Variants in ERMP1 observed in about 807,000 individuals in gnomAD.
ERMP1 encodes Felix-ina.
ERMP1 carries 86 observed loss-of-function variants against 92.0 expected under a neutral mutation model. That is an observed-to-expected ratio of 0.93 (90% CI 0.79 to 1.12). The LOEUF (loss-of-function observed/expected upper bound fraction) is 1.12, where lower values mean the gene tolerates loss of function less well. Ranked by LOEUF, ERMP1 falls within the 50% of genes most tolerant of loss-of-function variation. The pLI is 0.00. For missense variants in ERMP1, 1,342 were observed against 1,116.3 expected (o/e 1.20, Z -2.88); for synonymous variants, 530 against 412.8 (o/e 1.28, Z -3.44).
At position 5,833,085 on chromosome 9, in the gene ERMP1, G is replaced by T; in HGVS notation, c.-58C>A. ...CCAACCCGCGACAGCCCCGGCCGCC[G>T]CCGACGCCGCCGTCGCTGCCGCAGC... On this transcript the variant is annotated 5_prime_UTR_variant, in exon 1 of 15. Coordinates refer to ENST00000339450, the MANE Select transcript of ERMP1 (RefSeq NM_024896.3). 1 of 1,353,292 alleles carries T rather than the reference G, an allele frequency of 7.4e-7. No individual in the cohort carries two copies. 83.8% of individuals were successfully genotyped at this position (1,353,292 alleles called of 1,614,324 possible).
chr9:5,836,379 A>C (rs1830096039), upstream of ERMP1, among the ~76,000 whole-genome samples: 1 of 152,212 alleles, frequency 6.6e-6, no homozygotes, highest in African/African-American at 2.4e-5. Flanking sequence ...GTGACATTCA[A>C]ATCAGGTGAG....
chr9:5,833,851 C>T (rs186055465), upstream of ERMP1, among the ~76,000 whole-genome samples: 2 of 152,314 alleles, frequency 1.3e-5, no homozygotes, highest in African/African-American at 4.8e-5. Flanking sequence ...CTTCACTTGA[C>T]GACTCTCTGG....
rs763673362 is a variant in ERMP1, at chr9:5,812,241, A to G, written c.1022-24T>C. 5 of 1,403,878 alleles carry G rather than the reference A, an allele frequency of 3.6e-6. No individual in the cohort carries two copies. The East Asian group carries it at 9.4e-5, about 26-fold the overall frequency. The allele number at this position is 1,403,878 out of a possible 1,614,324, so 87.0% of individuals were successfully genotyped here. On this transcript the variant is annotated intron_variant, in intron 5 of 14. Transcript: ENST00000339450. ...TCCTAAAACATATATATAGAAAAAAAAAAGTCATTTTGCTTTAAAGATCAA... is the reference window on the plus strand; with the variant it reads ...TCCTAAAACATATATATAGAAAAAAGAAAGTCATTTTGCTTTAAAGATCAA...
chr9:5,866,150 C>T (rs1338239605), intron 5 of ERMP1, among the ~76,000 whole-genome samples: 3 of 152,196 alleles, frequency 2.0e-5, no homozygotes, highest in Non-Finnish European at 4.4e-5. Context: ...ACATAATACA[C>T]TTCCATTTTG....
chr9:5,819,424 T>C (rs1829447176), intron 4 of ERMP1, among the ~76,000 whole-genome samples: 2 of 152,152 alleles, frequency 1.3e-5, no homozygotes, highest in Admixed American at 6.5e-5. Flanking sequence ...AACCACAACC[T>C]TGCATAAAGG....
intron 1 of ERMP1, among the ~76,000 whole-genome samples, chr9:5,832,117 G>C (rs1456859291): frequency 6.6e-6 from 1 of 151,284 alleles, no homozygotes; most frequent in Non-Finnish European, 1.5e-5. Context: ...ACCTTACACA[G>C]TCACTAATCC....
upstream of ERMP1, among the ~76,000 whole-genome samples, chr9:5,834,069 C>T (rs985668288): frequency 6.6e-6 from 1 of 152,186 alleles, no homozygotes; most frequent in Non-Finnish European, 1.5e-5. Context: ...AGATTTCATA[C>T]AATGCCCTAT....
chr9:5,814,545 C>G (rs980555635), intron 4 of ERMP1, among the ~76,000 whole-genome samples: 1 of 152,096 alleles, frequency 6.6e-6, no homozygotes, highest in African/African-American at 2.4e-5. Context: ...GCATTTAAGA[C>G]CAGCCTGGCC....
chr9:5,796,754 G>C (rs967793824), intron 13 of ERMP1, among the ~76,000 whole-genome samples: 3 of 152,056 alleles, frequency 2.0e-5, no homozygotes, highest in Non-Finnish European at 4.4e-5. Context: ...TGAAGCACAG[G>C]GCATTTCTAG....
rs578042908 is a variant in ERMP1, at chr9:5,786,380, C to T, written c.*764G>A. 6.6e-6 allele frequency: 1 copy of T among 152,302 alleles called. No individual in the cohort carries two copies. The highest frequency in any genetic ancestry group is 1.5e-5 in the Non-Finnish European group (1 of 68,048). 9.4% of individuals were successfully genotyped at this position (152,302 alleles called of 1,614,324 possible). A position where few individuals can be genotyped will look rare whatever the true frequency, so the allele number is the denominator to read the frequency against. ...CTGAACCAAAAGAACCTACGAAAAC[C>T]AGAGGGGTATGTGGCCAAATATTCC... On this transcript the variant is annotated 3_prime_UTR_variant, in exon 15 of 15. Coordinates refer to ENST00000339450, the MANE Select transcript of ERMP1 (RefSeq NM_024896.3).
chr9:5,866,144 A>G (rs1300545919), intron 5 of ERMP1, among the ~76,000 whole-genome samples: 1 of 152,224 alleles, frequency 6.6e-6, no homozygotes, highest in Non-Finnish European at 1.5e-5. Context: ...TATTACACAT[A>G]ATACACTTCC....
intron 6 of ERMP1, among the ~76,000 whole-genome samples, chr9:5,853,058 G>C (rs1392131810): frequency 6.6e-6 from 1 of 152,172 alleles, no homozygotes; most frequent in Non-Finnish European, 1.5e-5. Context: ...TTGGGCTTCT[G>C]GGGGTGAAAA....
intron 13 of ERMP1, among the ~76,000 whole-genome samples, chr9:5,796,510 C>G (rs1828430582): frequency 6.6e-6 from 1 of 152,058 alleles, no homozygotes. Flanking sequence ...ATATGGATAA[C>G]TGCTGTACAT....
At chr9:5,803,812 GATTATCCTTATCCTTAT>G (rs1473117405) in intron 10 of ERMP1, among the ~76,000 whole-genome samples, 2 of 152,146 alleles carry the variant, frequency 1.3e-5, no homozygotes, top group Middle Eastern at 3.4e-3. Flanking sequence ...TACCAATAAG[GATTATCCTTATCCTTAT>G]ATTATCCTTA....
At chr9:5,811,083 A>G in intron 7 of ERMP1, 28 bp downstream of exon 7, 1 of 1,503,486 alleles carries the variant, frequency 6.7e-7, no homozygotes. Context: ...CAATGCCAGT[A>G]TTTGTAGTTT....
At chr9:5,834,951 T>C (rs1227323292), upstream of ERMP1, among the ~76,000 whole-genome samples, 12 of 110,188 alleles carry the variant, frequency 1.1e-4, no homozygotes, top group South Asian at 6.9e-4. Context: ...ATTAGATAGA[T>C]AGACAGATGA....
intron 5 of ERMP1, among the ~76,000 whole-genome samples, chr9:5,860,494 A>G (rs1830453658): frequency 6.6e-6 from 1 of 152,304 alleles, no homozygotes; most frequent in South Asian, 2.1e-4. Context: ...TGAAGCTCAG[A>G]GCCATAACGT....
intron 13 of ERMP1, among the ~76,000 whole-genome samples, chr9:5,797,396 TC>T (rs1828474683): frequency 1.3e-5 from 2 of 152,016 alleles, no homozygotes; most frequent in South Asian, 4.1e-4. Flanking sequence ...ATACCTGTAA[TC>T]CCAGCACTTT....
intron 6 of ERMP1, among the ~76,000 whole-genome samples, chr9:5,843,314 A>T (rs1239793438): frequency 6.6e-6 from 1 of 152,238 alleles, no homozygotes; most frequent in Non-Finnish European, 1.5e-5. Flanking sequence ...TCAGATATTT[A>T]TGTGAAACCT....
Sources: allele counts gnomAD v4.1 joint callset (sites outside exome capture counted in the v4.1 genomes callset), GRCh38; gene constraint gnomAD v4.1.1; transcripts MANE v1.5; gene names NCBI Gene and HGNC (gene_info 2026-07-23, HGNC 2026-07-21).